DPYD: variants seen among roughly 807,000 people sequenced by gnomAD.
DPYD encodes the protein dihydropyrimidine dehydrogenase.
DPYD carries 109 observed loss-of-function variants against 116.2 expected under a neutral mutation model. That is an observed-to-expected ratio of 0.94 (90% CI 0.80 to 1.10). The LOEUF (loss-of-function observed/expected upper bound fraction) is 1.10, where lower values mean the gene tolerates loss of function less well. Ranked by LOEUF, DPYD falls within the 50% of genes least tolerant of loss-of-function variation. The probability of loss-of-function intolerance (pLI) is 0.00; values close to 1 mark genes in which losing one functional copy is unlikely to be tolerated. For synonymous variants in DPYD, 440 were observed against 432.0 expected, an observed-to-expected ratio of 1.02 and a Z score of -0.23; for missense variants, 1,302 against 1,254.5, an observed-to-expected ratio of 1.04 and a Z score of -0.57.
intron 19 of DPYD, among the ~76,000 whole-genome samples, chr1:97,211,744 T>G (rs1216306769): frequency 1.3e-5 from 2 of 152,148 alleles, no homozygotes; most frequent in African/African-American, 4.8e-5. Flanking sequence ...TAGAAATGCT[T>G]CCTACCCAGG....
chr1:97,206,638 T>TTATATATATA (rs57893705), intron 19 of DPYD, among the ~76,000 whole-genome samples: 17 of 48,994 alleles, frequency 3.5e-4, no homozygotes, highest in Non-Finnish European at 7.0e-4. Flanking sequence ...CAGGGAGATT[T>TTATATATATA]TATATATATA....
intron 8 of DPYD, among the ~76,000 whole-genome samples, chr1:97,639,664 T>C (rs938404005): frequency 1.3e-5 from 2 of 152,184 alleles, no homozygotes; most frequent in African/African-American, 4.8e-5. Context: ...AAATAGTCTA[T>C]GAAGCTGGGT....
chr1:97,671,508 CA>C lies in DPYD; in HGVS notation c.850+7586del, dbSNP rs1210794731. Among the ~76,000 whole-genome samples, 17 of 151,696 alleles carry C rather than the reference CA, an allele frequency of 1.1e-4. No individual in the cohort carries two copies. The South Asian group carries it at 2.5e-3, about 22-fold the overall frequency. ...ATATGTCTTTGCATTTTGTCAAAAA[CA>C]AAAAAAGATAAAAGAGGATGCTTGG... On this transcript the variant is annotated intron_variant, in intron 8 of 22. Transcript: ENST00000370192.
intron 3 of DPYD, among the ~76,000 whole-genome samples, chr1:97,766,646 T>C (rs1665873160): frequency 6.6e-6 from 1 of 152,066 alleles, no homozygotes; most frequent in Admixed American, 6.6e-5. Flanking sequence ...CTTCTAGAAA[T>C]CTTAAAGAGT....
rs150411429 is a variant in DPYD at position 97,202,455 on chromosome 1, C to T, written c.2443-9207G>A. Reference sequence around the variant, plus strand: ...TCATTCTTTAATTAATTTCTTAACCCAAGATCAGCTAAAGACAGACTGAAG... The same window carrying T: ...TCATTCTTTAATTAATTTCTTAACCTAAGATCAGCTAAAGACAGACTGAAG... On this transcript the variant is annotated intron_variant, in intron 19 of 22. Transcript: ENST00000370192. Among the ~76,000 whole-genome samples the T allele has an allele frequency of 1.4e-4, 22 of 152,198 alleles. No individual in the cohort carries two copies. In the East Asian group the frequency reaches 4.3e-3, roughly 29 times the overall value.
intron 21 of DPYD, among the ~76,000 whole-genome samples, chr1:97,083,379 T>C (rs1649300139): frequency 6.6e-6 from 1 of 152,136 alleles, no homozygotes. Flanking sequence ...TTCTCTTTGG[T>C]ATTGCATTTT....
At chr1:97,297,679 T>C (rs1666614320) in intron 18 of DPYD, among the ~76,000 whole-genome samples, 1 of 152,210 alleles carries the variant, frequency 6.6e-6, no homozygotes. Context: ...AGCAGTAAGC[T>C]ACCAGCACTG....
At chr1:97,689,675 A>C (rs1399795409) in intron 7 of DPYD, among the ~76,000 whole-genome samples, 1 of 152,026 alleles carries the variant, frequency 6.6e-6, no homozygotes, top group Non-Finnish European at 1.5e-5. Context: ...GAGAGAGACA[A>C]ACAGAAGGCA....
intron 20 of DPYD, among the ~76,000 whole-genome samples, chr1:97,158,021 G>C (rs1456204065): frequency 1.3e-5 from 2 of 152,004 alleles, no homozygotes; most frequent in Non-Finnish European, 1.5e-5. Flanking sequence ...TGAAGTACTG[G>C]GTGCTTAAAA....
chr1:97,275,336 T>G (rs1286932235), intron 18 of DPYD, among the ~76,000 whole-genome samples: 1 of 152,182 alleles, frequency 6.6e-6, no homozygotes, highest in African/African-American at 2.4e-5. Context: ...ATGGAGCTCC[T>G]ACAGATCTTT....
At chr1:97,865,644 G>A (rs1355676277) in intron 2 of DPYD, among the ~76,000 whole-genome samples, 1 of 151,872 alleles carries the variant, frequency 6.6e-6, no homozygotes, top group East Asian at 1.9e-4. Flanking sequence ...AGTATAAGAG[G>A]TAGATCTCAA....
At chr1:97,287,398 G>T (rs901976155) in intron 18 of DPYD, among the ~76,000 whole-genome samples, 4 of 152,150 alleles carry the variant, frequency 2.6e-5, no homozygotes, top group Non-Finnish European at 5.9e-5. Flanking sequence ...ACTTGAGGAG[G>T]CAGTCTGCCC....
At chr1:97,857,975 G>A (rs1485571584) in intron 2 of DPYD, among the ~76,000 whole-genome samples, 3 of 151,916 alleles carry the variant, frequency 2.0e-5, no homozygotes, top group African/African-American at 7.3e-5. Flanking sequence ...CAAGTCTTCT[G>A]TGTGAATGAT....
chr1:97,128,366 G>A (rs939991452), intron 20 of DPYD, among the ~76,000 whole-genome samples: 2 of 152,080 alleles, frequency 1.3e-5, no homozygotes, highest in Admixed American at 1.3e-4. Flanking sequence ...AAGGCTTCAT[G>A]TCTTTGAACT....
chr1:97,649,001 A>G lies in DPYD; in HGVS notation c.850+30094T>C, dbSNP rs537419863. ...TACACCCAGATCTTAATTTTGTTTT[A>G]CATATGTTATATCTACATAATTAGT... is the stretch of plus-strand genomic sequence containing the variant. On this transcript the variant is annotated intron_variant, in intron 8 of 22. Coordinates refer to ENST00000370192, the MANE Select transcript of DPYD (RefSeq NM_000110.4). Among the ~76,000 whole-genome samples, 417 of 152,022 alleles carry G rather than the reference A, an allele frequency of 2.7e-3. 2 individuals are homozygous for G. The highest frequency in any genetic ancestry group is 2.4e-3 in the Non-Finnish European group (161 of 67,924).
At chr1:97,087,575 T>C (rs1649605798) in intron 21 of DPYD, among the ~76,000 whole-genome samples, 1 of 152,118 alleles carries the variant, frequency 6.6e-6, no homozygotes, top group Admixed American at 6.5e-5. Context: ...AGATTATTAG[T>C]GAGAGAGTCA....
At chr1:97,835,315 T>C (rs1047374777) in intron 2 of DPYD, among the ~76,000 whole-genome samples, 2 of 152,066 alleles carry the variant, frequency 1.3e-5, no homozygotes, top group African/African-American at 4.8e-5. Context: ...TATTATCCAC[T>C]CAAAGTGTTA....
chr1:97,424,734 A>T (rs570283648), intron 14 of DPYD, among the ~76,000 whole-genome samples: 1 of 152,006 alleles, frequency 6.6e-6, no homozygotes, highest in East Asian at 1.9e-4. Context: ...TTTAAATATT[A>T]TATTTTGGAT....
At chr1:97,658,547 TA>T (rs1450679886) in intron 8 of DPYD, among the ~76,000 whole-genome samples, 2 of 152,156 alleles carry the variant, frequency 1.3e-5, no homozygotes, top group Admixed American at 1.3e-4. Context: ...TTCCTGATAT[TA>T]AATTATAAGG....
Sources: allele counts gnomAD v4.1 joint callset (sites outside exome capture counted in the v4.1 genomes callset), GRCh38; gene constraint gnomAD v4.1.1; transcripts MANE v1.5; gene names NCBI Gene and HGNC (gene_info 2026-07-23, HGNC 2026-07-21).